Variants in SGCG observed in about 807,000 individuals in gnomAD.
SGCG encodes the protein sarcoglycan gamma.
SGCG carries 26 observed loss-of-function variants against 29.3 expected under a neutral mutation model. The ratio of observed to expected loss-of-function variants is 0.89; its 90% confidence interval spans 0.65 to 1.23. The LOEUF (loss-of-function observed/expected upper bound fraction) is 1.23, where lower values mean the gene tolerates loss of function less well. Among genes scored for constraint, SGCG ranks in the 50% most tolerant of loss-of-function variants. The pLI is 0.00. For missense variants in SGCG, 353 were observed against 356.0 expected, an observed-to-expected ratio of 0.99 and a Z score of 0.07; for synonymous variants, 145 against 129.7, an observed-to-expected ratio of 1.12 and a Z score of -0.80.
intron 6 of SGCG, 27 bp downstream of exon 6, chr13:23,295,514 A>G (rs1250551205): frequency 1.3e-6 from 2 of 1,487,568 alleles, no homozygotes; most frequent in Non-Finnish European, 1.9e-6. Context: ...AAATATTAAC[A>G]ACCTCTCCTG....
chr13:23,278,250 C>T (rs1262031412), intron 4 of SGCG, among the ~76,000 whole-genome samples: 5 of 151,926 alleles, frequency 3.3e-5, no homozygotes, highest in Non-Finnish European at 7.4e-5. Context: ...TCGAGACAAA[C>T]CTGGCCAATA....
intron 6 of SGCG, among the ~76,000 whole-genome samples, chr13:23,314,205 G>GA (rs1392508991): frequency 6.7e-6 from 1 of 148,760 alleles, no homozygotes; most frequent in Non-Finnish European, 1.5e-5. Flanking sequence ...GAGAGAGAGA[G>GA]AGTTTTGAAC....
intron 3 of SGCG, among the ~76,000 whole-genome samples, chr13:23,237,903 CAAAGAGATAAAGCTATTTTTA>C (rs1204802900): frequency 6.6e-6 from 1 of 151,166 alleles, no homozygotes; most frequent in Non-Finnish European, 1.5e-5. Context: ...TTAAGATTCT[CAAAGAGATAAAGCTATTTTTA>C]AAGGAGTTTT....
rs1188263354 is a variant in SGCG, at chr13:23,234,644, G to A, written c.229G>A (p.Gly77Arg). ...GGGCCACTTGTGTGTAACAAAAGAT[G>A]GACTGCGCTTGGAAGGGGAATCAGA... The part of the protein sequence containing the change: ...GMGHLCVTKD[G>R]LRLEGESEFL... The change falls in exon 3 of 8, where the codon GGA (glycine) becomes AGA (arginine). Residue 77 changes from glycine (G) to arginine (R), a missense_variant. Physicochemically the swap from Gly to Arg is moderately radical, Grantham distance 125. Coordinates refer to ENST00000218867, the MANE Select transcript of SGCG (RefSeq NM_000231.3). The A allele has an allele frequency of 1.9e-6, 3 of 1,612,364 alleles. No homozygotes were observed. Among genetic ancestry groups the A allele is most frequent in the Non-Finnish European group, 1.7e-6 (2 of 1,178,960 alleles).
chr13:23,172,948 T>C, the SGCG span, among the ~76,000 whole-genome samples: 4 of 152,344 alleles, frequency 2.6e-5, no homozygotes, highest in South Asian at 4.1e-4. Context: ...AACAAAGATA[T>C]GTGGTTGTCA....
intron 1 of SGCG, among the ~76,000 whole-genome samples, chr13:23,183,101 G>T (rs1876810274): frequency 6.6e-6 from 1 of 152,204 alleles, no homozygotes; most frequent in African/African-American, 2.4e-5. Context: ...ACTGCCATTT[G>T]ACCTTGTGTG....
chr13:23,289,459 A>G (rs1881617728), intron 5 of SGCG, among the ~76,000 whole-genome samples: 1 of 152,232 alleles, frequency 6.6e-6, no homozygotes, highest in Non-Finnish European at 1.5e-5. Context: ...TTGCCTCTGC[A>G]AAGACTTCTC....
intron 4 of SGCG, among the ~76,000 whole-genome samples, chr13:23,256,997 G>A (rs763838263): frequency 5.3e-5 from 8 of 152,056 alleles, no homozygotes; most frequent in Non-Finnish European, 1.0e-4. Flanking sequence ...TCCCACCAAC[G>A]GTGTAAAAGC....
At chr13:23,269,563 C>T (rs1566024203) in intron 4 of SGCG, among the ~76,000 whole-genome samples, 1 of 152,192 alleles carries the variant, frequency 6.6e-6, no homozygotes. Context: ...AAAATGACCA[C>T]ATATATGTTT....
Position 23,247,177 on chromosome 13 carries a change from A to G in SGCG, c.298-3453A>G, listed in dbSNP as rs375337062. 3.5e-3 allele frequency: 537 copies of G among 154,918 alleles called. 4 individuals carry two copies. The highest frequency in any genetic ancestry group is 0.012 in the African/African-American group (505 of 41,622). The allele number at this position is 154,918 out of a possible 1,614,324, so 9.6% of individuals were successfully genotyped here. A position where few individuals can be genotyped will look rare whatever the true frequency, so the allele number is the denominator to read the frequency against. ...CAGGAGAACACCTGTCACCTCTACC[A>G]TCTTTAAACAGAAAAGGCACAGTCA... On this transcript the variant is annotated intron_variant, in intron 3 of 7. Transcript: ENST00000218867.
intron 2 of SGCG, among the ~76,000 whole-genome samples, chr13:23,227,990 T>C (rs1878967218): frequency 6.6e-6 from 1 of 151,936 alleles, no homozygotes; most frequent in South Asian, 2.1e-4. Context: ...TTTGTATTTT[T>C]TGTAGAGATG....
rs77206025 is a variant in SGCG at position 23,307,729 on chromosome 13, A to G, written c.578+12242A>G. On this transcript the variant is annotated intron_variant, in intron 6 of 7. Transcript: ENST00000218867. ...AATGTATCAAATTATATCTGTATTT[A>G]AAAGCATGGATTCCATAAATTCAAG... 6.9e-3 allele frequency among the ~76,000 whole-genome samples: 1,048 copies of G among 152,324 alleles called. 14 individuals are homozygous for G. Among genetic ancestry groups the G allele is most frequent in the African/African-American group, 0.024 (1,013 of 41,578 alleles).
At chr13:23,323,520 G>A (rs1349256145) in intron 7 of SGCG, among the ~76,000 whole-genome samples, 1 of 152,222 alleles carries the variant, frequency 6.6e-6, no homozygotes, top group East Asian at 1.9e-4. Context: ...TTAATTCCTT[G>A]TAACAAGTGA....
At chr13:23,215,371 A>G (rs1878387617) in intron 2 of SGCG, among the ~76,000 whole-genome samples, 1 of 152,196 alleles carries the variant, frequency 6.6e-6, no homozygotes, top group Non-Finnish European at 1.5e-5. Flanking sequence ...AAACCAACTA[A>G]TCTTATTTAC....
At chr13:23,256,430 C>G (rs1235086571) in intron 4 of SGCG, among the ~76,000 whole-genome samples, 1 of 152,048 alleles carries the variant, frequency 6.6e-6, no homozygotes, top group Non-Finnish European at 1.5e-5. Context: ...GCAAAACATG[C>G]AGGTTTGTTA....
intron 5 of SGCG, among the ~76,000 whole-genome samples, chr13:23,291,278 T>G (rs1349682822): frequency 6.6e-6 from 1 of 152,206 alleles, no homozygotes; most frequent in Non-Finnish European, 1.5e-5. Context: ...TGATAGTTTA[T>G]AGTAGAACTT....
chr13:23,161,692 C>A, the SGCG span, among the ~76,000 whole-genome samples: 7 of 152,246 alleles, frequency 4.6e-5, no homozygotes, highest in Non-Finnish European at 7.3e-5. Context: ...GGTATTAAAA[C>A]TTCCTTTCAT....
upstream of SGCG, among the ~76,000 whole-genome samples, chr13:23,179,763 T>G (rs1876669796): frequency 6.6e-6 from 1 of 152,134 alleles, no homozygotes; most frequent in Non-Finnish European, 1.5e-5. Flanking sequence ...AGTATCAAAT[T>G]TCAAAAGAAA....
chr13:23,319,271 G>A (rs1882944852), intron 6 of SGCG, among the ~76,000 whole-genome samples: 1 of 149,714 alleles, frequency 6.7e-6, no homozygotes, highest in Non-Finnish European at 1.5e-5. Flanking sequence ...GTATTCTCTA[G>A]CCTGGGTGAC....
Sources: gnomAD v4.1 joint callset for allele counts (sites outside exome capture counted in the v4.1 genomes callset) on GRCh38, gnomAD v4.1.1 for gene constraint, MANE v1.5 for transcripts, NCBI Gene and HGNC (gene_info 2026-07-23, HGNC 2026-07-21) for gene names.